Variants in COL23A1 observed in about 807,000 individuals in gnomAD.
COL23A1 encodes collagen alpha-1(XXIII) chain.
In COL23A1, 97 loss-of-function variants were observed where a neutral mutation model predicts 99.3. That is an observed-to-expected ratio of 0.98 (90% CI 0.83 to 1.16). The LOEUF is 1.16. Among genes scored for constraint, COL23A1 ranks in the 50% most tolerant of loss-of-function variants. COL23A1 has a pLI of 0.00. For synonymous variants in COL23A1, 320 were observed against 308.2 expected (o/e 1.04, Z -0.40); for missense variants, 762 against 757.4 (o/e 1.01, Z -0.07).
Position 178,365,396 on chromosome 5 carries a change from A to G in COL23A1, c.362-58477T>C, listed in dbSNP as rs1762416161. On this transcript the variant is annotated intron_variant, in intron 2 of 28. Coordinates refer to ENST00000390654, the MANE Select transcript of COL23A1 (RefSeq NM_173465.4). This position sits in a 1 kb window ranked among gnomAD's most constrained non-coding sequence, Gnocchi z 5.2. ...CAGGCAGCTCAAGGCTTAGCTTCCC[A>G]CTGGCCTCCTCCCTCCCGGACACTC... Among the ~76,000 whole-genome samples the G allele has an allele frequency of 6.6e-6, 1 of 152,006 alleles. No individual in the cohort carries two copies. Among genetic ancestry groups the G allele is most frequent in the South Asian group, 2.1e-4 (1 of 4,818 alleles).
rs1400477769 is a variant in COL23A1 at position 178,366,425 on chromosome 5, C to T, written c.362-59506G>A. On this transcript the variant is annotated intron_variant, in intron 2 of 28. Coordinates refer to ENST00000390654, the MANE Select transcript of COL23A1 (RefSeq NM_173465.4). The surrounding 1 kb of genome is among the most constrained non-coding windows in gnomAD (Gnocchi z 4.4). ...TCTTCCCAGCTCCCATCCGCCCTTCCCTGCATCCTCCTGGGCTGGTTCCAG... is the reference window on the plus strand; with the variant it reads ...TCTTCCCAGCTCCCATCCGCCCTTCTCTGCATCCTCCTGGGCTGGTTCCAG... Among the ~76,000 whole-genome samples the T allele has an allele frequency of 6.6e-6, 1 of 152,242 alleles. No individual in the cohort carries two copies.
chr5:178,410,102 T>C (rs569625238), intron 2 of COL23A1, among the ~76,000 whole-genome samples: 2 of 152,222 alleles, frequency 1.3e-5, no homozygotes, highest in Non-Finnish European at 2.9e-5. Flanking sequence ...CCATCTATGA[T>C]GAAAGGTTAG....
At position 178,589,199 on chromosome 5, in the gene COL23A1, T is replaced by C. The variant is rs1042388782; in HGVS notation, c.294+705A>G. On this transcript the variant is annotated intron_variant, in intron 1 of 28. Coordinates refer to ENST00000390654, the MANE Select transcript of COL23A1 (RefSeq NM_173465.4). This position sits in a 1 kb window ranked among gnomAD's most constrained non-coding sequence, Gnocchi z 5.4. ...TTCAAGTAAGCTGTGGAAGTCGCGA[T>C]TCCCAGGTAAGGGACGGGAAACTCC... Among the ~76,000 whole-genome samples the C allele has an allele frequency of 2.6e-5, 4 of 152,192 alleles. No homozygotes were observed. Among genetic ancestry groups the C allele is most frequent in the Non-Finnish European group, 5.9e-5 (4 of 68,030 alleles).
chr5:178,526,675 T>C (rs1760328369), intron 2 of COL23A1, among the ~76,000 whole-genome samples: 1 of 151,936 alleles, frequency 6.6e-6, no homozygotes, highest in Non-Finnish European at 1.5e-5. Flanking sequence ...GAGTCTACAA[T>C]GGGGTGTTTC....
intron 1 of COL23A1, among the ~76,000 whole-genome samples, chr5:178,581,053 T>C (rs1328891333): frequency 1.3e-5 from 2 of 152,156 alleles, no homozygotes; most frequent in African/African-American, 4.8e-5. Flanking sequence ...GGGGTTTCAT[T>C]CTGAAATGAA....
chr5:178,270,064 T>C (rs1756199326), intron 6 of COL23A1, among the ~76,000 whole-genome samples: 1 of 152,138 alleles, frequency 6.6e-6, no homozygotes, highest in Non-Finnish European at 1.5e-5. Context: ...CGTCCACAGT[T>C]TTCCATAGGT....
chr5:178,464,680 A>G (rs1216305812), intron 2 of COL23A1, among the ~76,000 whole-genome samples: 1 of 152,234 alleles, frequency 6.6e-6, no homozygotes, highest in East Asian at 1.9e-4. Context: ...AAACAATAGA[A>G]AAAGCTGGAT....
At chr5:178,263,176 C>A (rs1392939463) in intron 9 of COL23A1, 32 bp downstream of exon 9, 3 of 1,514,916 alleles carry the variant, frequency 2.0e-6, no homozygotes, top group Admixed American at 1.7e-5. Context: ...TTGGTCAAGT[C>A]CTGCGTGGCC....
At chr5:178,389,102 G>A (rs1336142197) in intron 2 of COL23A1, among the ~76,000 whole-genome samples, 1 of 152,106 alleles carries the variant, frequency 6.6e-6, no homozygotes, top group East Asian at 1.9e-4. Context: ...AAACCTGGCT[G>A]TCACGCTCCC....
chr5:178,444,045 TA>T (rs1437719656), intron 2 of COL23A1, among the ~76,000 whole-genome samples: 1 of 151,668 alleles, frequency 6.6e-6, no homozygotes, highest in East Asian at 1.9e-4. Flanking sequence ...CTACAAAAAA[TA>T]AAAAAATTAG....
intron 2 of COL23A1, among the ~76,000 whole-genome samples, chr5:178,388,403 C>A (rs539288168): frequency 6.6e-6 from 1 of 152,346 alleles, no homozygotes; most frequent in Non-Finnish European, 1.5e-5. Flanking sequence ...TCCCTGGAAC[C>A]TGCAGCGGGG....
intron 2 of COL23A1, among the ~76,000 whole-genome samples, chr5:178,389,172 T>A (rs533829792): frequency 6.6e-6 from 1 of 152,274 alleles, no homozygotes; most frequent in Admixed American, 6.5e-5. Flanking sequence ...AACCTGGCTG[T>A]CACGCTCCCG....
intron 2 of COL23A1, among the ~76,000 whole-genome samples, chr5:178,487,263 A>G (rs2127962513): frequency 6.6e-6 from 1 of 151,996 alleles, no homozygotes; most frequent in South Asian, 2.1e-4. Context: ...TCAATCTCTG[A>G]AGGCAGTCAT....
At chr5:178,523,155 T>C (rs1413826785) in intron 2 of COL23A1, among the ~76,000 whole-genome samples, 2 of 80,126 alleles carry the variant, frequency 2.5e-5, no homozygotes, top group Non-Finnish European at 5.7e-5. Flanking sequence ...TATATATATA[T>C]ATATATACAT....
At chr5:178,563,810 C>T (rs907337441) in intron 1 of COL23A1, among the ~76,000 whole-genome samples, 6 of 152,088 alleles carry the variant, frequency 3.9e-5, no homozygotes, top group Admixed American at 2.0e-4. Context: ...GGATTACAGA[C>T]GTTGAGTCAC....
chr5:178,424,162 C>T (rs72648832), intron 2 of COL23A1, among the ~76,000 whole-genome samples: 10,005 of 152,250 alleles, frequency 0.066, 1,024 homozygotes, highest in East Asian at 0.48. Context: ...AAGCAGCCTC[C>T]CTTGCAGGCC....
At chr5:178,330,493 A>C (rs2127644188) in intron 2 of COL23A1, among the ~76,000 whole-genome samples, 1 of 152,188 alleles carries the variant, frequency 6.6e-6, no homozygotes, top group Non-Finnish European at 1.5e-5. Flanking sequence ...TCGTCTCTAC[A>C]AAAAAATACT....
At chr5:178,278,905 G>A (rs1485331485) in intron 5 of COL23A1, among the ~76,000 whole-genome samples, 6 of 152,212 alleles carry the variant, frequency 3.9e-5, no homozygotes, top group Non-Finnish European at 8.8e-5. Context: ...CGCTGGGCCA[G>A]CCCTGGGGTA....
chr5:178,420,386 C>CTCCTCA lies in COL23A1; in HGVS notation c.362-113468_362-113467insTGAGGA, dbSNP rs1433843358. On this transcript the variant is annotated intron_variant, in intron 2 of 28. Transcript: ENST00000390654. Reference sequence around the variant, plus strand: ...TCCTCTCTTTCCTCCTCCCCTCCCCCCTTTCCCCCTCCCCTCCCTGAGATG... The same window carrying CTCCTCA: ...TCCTCTCTTTCCTCCTCCCCTCCCCCTCCTCACTTTCCCCCTCCCCTCCCTGAGATG... Among the ~76,000 whole-genome samples the CTCCTCA allele has an allele frequency of 2.4e-5, 3 of 123,664 alleles. No individual in the cohort carries two copies. The South Asian group carries it at 9.3e-4, about 38-fold the overall frequency. 81.1% of individuals were successfully genotyped at this position (123,664 alleles called of 152,430 possible).
Sources: allele counts gnomAD v4.1 joint callset (sites outside exome capture counted in the v4.1 genomes callset), GRCh38; gene constraint gnomAD v4.1.1; non-coding constraint Gnocchi (gnomAD v3.1); transcripts MANE v1.5; gene names NCBI Gene and HGNC (gene_info 2026-07-23, HGNC 2026-07-21).